Variants in CDH13 observed in about 807,000 individuals in gnomAD.
CDH13 encodes cadherin-13.
CDH13 carries 24 observed loss-of-function variants against 63.8 expected under a neutral mutation model. The observed-to-expected ratio is 0.38, with a 90% CI of 0.27 to 0.53. The LOEUF (loss-of-function observed/expected upper bound fraction) is 0.53. Among genes scored for constraint, CDH13 ranks in the 20% least tolerant of loss-of-function variants. The probability of loss-of-function intolerance (pLI) is 0.85; values close to 1 mark genes in which losing one functional copy is unlikely to be tolerated. For missense variants in CDH13, 1,049 were observed against 903.1 expected (o/e 1.16, Z -2.07); for synonymous variants, 503 against 355.3 (o/e 1.42, Z -4.67).
At chr16:82,651,992 G>C (rs544636691) in intron 1 of CDH13, among the ~76,000 whole-genome samples, 2 of 152,332 alleles carry the variant, frequency 1.3e-5, no homozygotes, top group African/African-American at 2.4e-5. Flanking sequence ...GGAGCTTTTC[G>C]TCTTCTTTAA....
intron 4 of CDH13, among the ~76,000 whole-genome samples, chr16:83,189,574 A>C (rs2038632640): frequency 6.6e-6 from 1 of 152,186 alleles, no homozygotes. Flanking sequence ...AGGAAATCCA[A>C]AGGTGCATCT....
chr16:83,079,497 G>C (rs2033088982), intron 3 of CDH13, among the ~76,000 whole-genome samples: 1 of 152,104 alleles, frequency 6.6e-6, no homozygotes, highest in African/African-American at 2.4e-5. Flanking sequence ...GCTTTAATGA[G>C]ACTTAAATGG....
intron 4 of CDH13, among the ~76,000 whole-genome samples, chr16:83,129,295 A>G (rs2035946258): frequency 1.3e-5 from 2 of 152,240 alleles, no homozygotes; most frequent in Admixed American, 1.3e-4. Flanking sequence ...AGACTTCGAT[A>G]TAGAATGCCA....
At chr16:82,647,310 A>T (rs922232525) in intron 1 of CDH13, among the ~76,000 whole-genome samples, 2 of 152,228 alleles carry the variant, frequency 1.3e-5, no homozygotes, top group Admixed American at 6.5e-5. Flanking sequence ...ATAGGACTTA[A>T]CAGACCATGG....
rs2039594557 is a variant in CDH13 at position 82,854,062 on chromosome 16, G to T, written c.46-4300G>T. 2.6e-5 allele frequency among the ~76,000 whole-genome samples: 4 copies of T among 152,166 alleles called. No homozygotes were observed. In the South Asian group the frequency reaches 8.3e-4, roughly 32 times the overall value. ...GAATGAAATTGAAGAGCGGATATCG[G>T]TGGCAAGTTCAAGCATAGATACTGT... On this transcript the variant is annotated intron_variant, in intron 1 of 13. Coordinates refer to ENST00000567109, the MANE Select transcript of CDH13 (RefSeq NM_001257.5).
At chr16:83,419,252 C>G (rs575896835) in intron 6 of CDH13, among the ~76,000 whole-genome samples, 139 of 152,236 alleles carry the variant, frequency 9.1e-4, no homozygotes, top group Non-Finnish European at 1.8e-3. Flanking sequence ...ATGACATTTA[C>G]TTATTCATTG....
At chr16:83,191,474 T>TAG in intron 4 of CDH13, among the ~76,000 whole-genome samples, 1 of 123,368 alleles carries the variant, frequency 8.1e-6, no homozygotes, top group Admixed American at 8.4e-5. Flanking sequence ...TATATATATA[T>TAG]ATATATATAT....
At chr16:82,851,336 G>A (rs2039472913) in intron 1 of CDH13, among the ~76,000 whole-genome samples, 1 of 151,668 alleles carries the variant, frequency 6.6e-6, no homozygotes, top group Admixed American at 6.6e-5. Flanking sequence ...TCGGGAGACT[G>A]AGTCTGGAGA....
intron 3 of CDH13, among the ~76,000 whole-genome samples, chr16:83,101,325 TTATA>T (rs2034468423): frequency 6.6e-6 from 1 of 150,536 alleles, no homozygotes; most frequent in African/African-American, 2.4e-5. Context: ...GTATACATGT[TTATA>T]TACTATATAT....
intron 1 of CDH13, among the ~76,000 whole-genome samples, chr16:82,675,188 T>G (rs1245103431): frequency 6.6e-6 from 1 of 152,172 alleles, no homozygotes; most frequent in African/African-American, 2.4e-5. Flanking sequence ...CTACAGTGAA[T>G]TAGAGGGAGA....
At chr16:83,470,122 C>T (rs921108956) in intron 6 of CDH13, among the ~76,000 whole-genome samples, 10 of 152,326 alleles carry the variant, frequency 6.6e-5, no homozygotes, top group African/African-American at 2.2e-4. Flanking sequence ...CCTGCACACA[C>T]ATACACCTGT....
chr16:83,231,166 T>A (rs530464791), intron 5 of CDH13, among the ~76,000 whole-genome samples: 148 of 152,280 alleles, frequency 9.7e-4, no homozygotes, highest in Non-Finnish European at 1.7e-3. Flanking sequence ...TTTGTAATAA[T>A]CCCTTTCTCC....
intron 10 of CDH13, among the ~76,000 whole-genome samples, chr16:83,731,634 T>G (rs1285597400): frequency 1.3e-5 from 2 of 152,368 alleles, no homozygotes; most frequent in East Asian, 3.9e-4. Flanking sequence ...GTTGATAGTT[T>G]CTTTGCCAAT....
At chr16:82,961,193 G>C (rs1290709229) in intron 2 of CDH13, among the ~76,000 whole-genome samples, 1 of 152,172 alleles carries the variant, frequency 6.6e-6, no homozygotes, top group East Asian at 1.9e-4. Context: ...AGGACACTGA[G>C]GCCCAGAGAT....
intron 13 of CDH13, among the ~76,000 whole-genome samples, chr16:83,790,380 T>C (rs1039570032): frequency 6.6e-6 from 1 of 152,286 alleles, no homozygotes; most frequent in African/African-American, 2.4e-5. Context: ...GAAATGATTT[T>C]TACTGTCAGT....
chr16:82,702,290 T>A (rs1597361953), intron 1 of CDH13, among the ~76,000 whole-genome samples: 1 of 125,498 alleles, frequency 8.0e-6, no homozygotes, highest in South Asian at 2.5e-4. Context: ...GTGTGAATAA[T>A]TTTCACAGCA....
At chr16:82,966,712 G>C (rs1298598795) in intron 2 of CDH13, among the ~76,000 whole-genome samples, 1 of 152,134 alleles carries the variant, frequency 6.6e-6, no homozygotes. Context: ...TTTTTCAAAT[G>C]TTAACATATT....
chr16:83,123,581 A>C (rs2035683804), intron 3 of CDH13, among the ~76,000 whole-genome samples: 1 of 151,986 alleles, frequency 6.6e-6, no homozygotes. Context: ...ATCTGGCCCC[A>C]CATTTTTTTT....
intron 3 of CDH13, among the ~76,000 whole-genome samples, chr16:83,102,178 G>T (rs1222860322): frequency 1.3e-5 from 2 of 152,172 alleles, no homozygotes; most frequent in Non-Finnish European, 2.9e-5. Flanking sequence ...ATACCTTCTG[G>T]TGTACATCTT....
Sources: gnomAD v4.1 joint callset for allele counts (sites outside exome capture counted in the v4.1 genomes callset) on GRCh38, gnomAD v4.1.1 for gene constraint, MANE v1.5 for transcripts, NCBI Gene and HGNC (gene_info 2026-07-23, HGNC 2026-07-21) for gene names.